Variants in SPATS2 observed in about 807,000 individuals in gnomAD.
SPATS2 encodes spermatogenesis-associated serine-rich protein 2.
Under a neutral mutation model 63.7 loss-of-function variants are expected in SPATS2, and 38 were observed. That is an observed-to-expected ratio of 0.60 (90% CI 0.46 to 0.78). SPATS2 has a LOEUF of 0.78. Ranked by LOEUF, SPATS2 falls within the 30% of genes least tolerant of loss-of-function variation. The pLI, the probability that SPATS2 is intolerant of heterozygous loss-of-function variation, is 0.00. For synonymous variants in SPATS2, 207 were observed against 232.9 expected, an observed-to-expected ratio of 0.89 and a Z score of 1.01; for missense variants, 588 against 666.2, an observed-to-expected ratio of 0.88 and a Z score of 1.29.
chr12:49,384,415 T>G (rs776898559), intron 2 of SPATS2, among the ~76,000 whole-genome samples: 2 of 152,234 alleles, frequency 1.3e-5, no homozygotes, highest in African/African-American at 2.4e-5. Flanking sequence ...TACTGTCTCT[T>G]TAGTCCCATT....
intron 2 of SPATS2, among the ~76,000 whole-genome samples, chr12:49,439,213 C>T (rs1207599654): frequency 1.3e-5 from 2 of 152,042 alleles, no homozygotes; most frequent in Admixed American, 6.6e-5. Context: ...TTGCTTGAGG[C>T]ATGGCAGGTA....
chr12:49,367,918 A>T (rs1364635164), intron 1 of SPATS2, among the ~76,000 whole-genome samples: 1 of 152,058 alleles, frequency 6.6e-6, no homozygotes. Context: ...AAAGAATAGG[A>T]TCATTTGGGA....
chr12:49,395,908 GTTTCC>G (rs1944501365), intron 2 of SPATS2, among the ~76,000 whole-genome samples: 1 of 152,134 alleles, frequency 6.6e-6, no homozygotes, highest in Non-Finnish European at 1.5e-5. Flanking sequence ...GCAACTCTTT[GTTTCC>G]CCCTCTTCCC....
intron 3 of SPATS2, among the ~76,000 whole-genome samples, chr12:49,472,218 A>T (rs1056724724): frequency 1.3e-5 from 2 of 152,162 alleles, no homozygotes; most frequent in Admixed American, 6.5e-5. Context: ...GAACTCCTAT[A>T]TACCTATAAC....
rs117872391 is a variant in SPATS2 at position 49,477,887 on chromosome 12, G to C, written c.26-6703G>C. On this transcript the variant is annotated intron_variant, in intron 3 of 13. Transcript: ENST00000552918. ...TCGTATTTCCTCCAATAAGTGGTAA[G>C]TTGGTAGATGAAGATTTACCACCCA... is the stretch of plus-strand genomic sequence containing the variant. Among the ~76,000 whole-genome samples, 16 of 149,554 alleles carry C rather than the reference G, an allele frequency of 1.1e-4. No homozygotes were observed. The East Asian group carries it at 3.0e-3, about 28-fold the overall frequency.
chr12:49,436,101 T>A (rs1408271219), intron 2 of SPATS2, among the ~76,000 whole-genome samples: 1 of 152,026 alleles, frequency 6.6e-6, no homozygotes, highest in Non-Finnish European at 1.5e-5. Flanking sequence ...CTTTACCCCC[T>A]TTCTATTCCA....
At chr12:49,501,375 C>A (rs1457025157) in intron 9 of SPATS2, among the ~76,000 whole-genome samples, 1 of 152,092 alleles carries the variant, frequency 6.6e-6, no homozygotes, top group African/African-American at 2.4e-5. Context: ...GGGCCAAACT[C>A]AATTTTCTAA....
intron 3 of SPATS2, among the ~76,000 whole-genome samples, chr12:49,479,035 C>G (rs1028105818): frequency 6.6e-6 from 1 of 152,202 alleles, no homozygotes; most frequent in Admixed American, 6.5e-5. Context: ...AGCAGGTCGT[C>G]CCATTGTCTC....
chr12:49,500,283 G>A lies in SPATS2; in HGVS notation c.839+78G>A. On this transcript the variant is annotated intron_variant, in intron 9 of 13. Transcript: ENST00000552918. Reference sequence around the variant, plus strand: ...ATAAAGATGGTCAGCCATTCCCCAAGTTCATTCATTCATGACTAACTACAT... The same window carrying A: ...ATAAAGATGGTCAGCCATTCCCCAAATTCATTCATTCATGACTAACTACAT... 3.5e-6 allele frequency: 5 copies of A among 1,443,426 alleles called. No individual in the cohort carries two copies. The South Asian group carries it at 7.5e-5, about 22-fold the overall frequency. 89.4% of individuals were successfully genotyped at this position (1,443,426 alleles called of 1,614,324 possible). A position where few individuals can be genotyped will look rare whatever the true frequency, so the allele number is the denominator to read the frequency against.
chr12:49,457,267 A>G (rs1945735594), intron 2 of SPATS2, among the ~76,000 whole-genome samples: 1 of 152,010 alleles, frequency 6.6e-6, no homozygotes, highest in Non-Finnish European at 1.5e-5. Flanking sequence ...TAGGTTTGAT[A>G]GCTGCTATGT....
chr12:49,402,971 A>G lies in SPATS2; in HGVS notation c.-244+31681A>G, dbSNP rs1592363649. Among the ~76,000 whole-genome samples, 5 of 152,216 alleles carry G rather than the reference A, an allele frequency of 3.3e-5. No individual in the cohort carries two copies. The South Asian group carries it at 1.0e-3, about 32-fold the overall frequency. ...GGACCATTCAGACAAGAGGTTTAAG[A>G]TATAGGGGATTTAGCTGATGTGTTC... On this transcript the variant is annotated intron_variant, in intron 2 of 13. Transcript: ENST00000552918.
At position 49,436,864 on chromosome 12, in the gene SPATS2, A is replaced by AC. The variant is rs1362177747; in HGVS notation, c.-243-23899dup. Among the ~76,000 whole-genome samples, 5 of 103,410 alleles carry AC rather than the reference A, an allele frequency of 4.8e-5. No individual in the cohort carries two copies. In the East Asian group the frequency reaches 1.6e-3, roughly 33 times the overall value. 67.8% of individuals were successfully genotyped at this position (103,410 alleles called of 152,430 possible). On this transcript the variant is annotated intron_variant, in intron 2 of 13. Coordinates refer to ENST00000552918, the MANE Select transcript of SPATS2 (RefSeq NM_023071.4). Reference sequence around the variant, plus strand: ...GGGCGGCTGTCCGGGCGGGGGGCTGACCCCCCCACCTCCCTCCCGGACGGG... The same window carrying AC: ...GGGCGGCTGTCCGGGCGGGGGGCTGACCCCCCCCACCTCCCTCCCGGACGGG...
chr12:49,419,477 G>A (rs1398465550), intron 2 of SPATS2, among the ~76,000 whole-genome samples: 2 of 152,202 alleles, frequency 1.3e-5, no homozygotes, highest in East Asian at 3.8e-4. Context: ...TTGATCCTAT[G>A]TGAGGAAAAA....
chr12:49,398,251 T>TA (rs1450898283), intron 2 of SPATS2, among the ~76,000 whole-genome samples: 8 of 150,826 alleles, frequency 5.3e-5, no homozygotes, highest in African/African-American at 1.7e-4. Flanking sequence ...GGCCAGTTCA[T>TA]AAAAAATTTT....
At chr12:49,420,995 A>G (rs1944970353) in intron 2 of SPATS2, among the ~76,000 whole-genome samples, 1 of 152,210 alleles carries the variant, frequency 6.6e-6, no homozygotes, top group African/African-American at 2.4e-5. Flanking sequence ...CCACAGAATG[A>G]GACCCTGATT....
At chr12:49,379,833 G>A (rs1448068003) in intron 2 of SPATS2, among the ~76,000 whole-genome samples, 1 of 151,736 alleles carries the variant, frequency 6.6e-6, no homozygotes, top group Non-Finnish European at 1.5e-5. Context: ...ATATTGATCA[G>A]GCTGGTCTCA....
chr12:49,516,183 ATATATATATATATATAT>A (rs1565760871), intron 10 of SPATS2, among the ~76,000 whole-genome samples: 34 of 94,584 alleles, frequency 3.6e-4, no homozygotes, highest in South Asian at 1.6e-3. Context: ...ATATATATAT[ATATATATATATATATAT>A]ATATATATAA....
rs1034049009 is a variant in SPATS2 at position 49,499,818 on chromosome 12, T to A, written c.704-252T>A. Reference sequence around the variant, plus strand: ...ACATTGTCTGAAAACCATTGTTTCATATATTTTGTCTTTGTATGTTTTTAG... The same window carrying A: ...ACATTGTCTGAAAACCATTGTTTCAAATATTTTGTCTTTGTATGTTTTTAG... On this transcript the variant is annotated intron_variant, in intron 8 of 13. Transcript: ENST00000552918. Among the ~76,000 whole-genome samples the A allele has an allele frequency of 8.5e-5, 13 of 152,310 alleles. No homozygotes were observed. The South Asian group carries it at 1.9e-3, about 22-fold the overall frequency.
chr12:49,415,870 T>C (rs796388562), intron 2 of SPATS2, among the ~76,000 whole-genome samples: 2 of 152,302 alleles, frequency 1.3e-5, no homozygotes, highest in African/African-American at 4.8e-5. Context: ...ACCTACAGAC[T>C]GTAGTTTGCT....
Sources: gnomAD v4.1 joint callset for allele counts (sites outside exome capture counted in the v4.1 genomes callset) on GRCh38, gnomAD v4.1.1 for gene constraint, MANE v1.5 for transcripts, NCBI Gene and HGNC (gene_info 2026-07-23, HGNC 2026-07-21) for gene names.